The following WLS variants were observed in gnomAD, a reference collection of about 807,000 sequenced individuals.
WLS encodes protein wntless homolog.
WLS carries 23 observed loss-of-function variants against 62.8 expected under a neutral mutation model. The observed-to-expected ratio is 0.37, with a 90% CI of 0.26 to 0.52. The LOEUF (loss-of-function observed/expected upper bound fraction) is 0.52, where lower values mean the gene tolerates loss of function less well. Among genes scored for constraint, WLS ranks in the 20% least tolerant of loss-of-function variants. The pLI is 0.92. For missense variants in WLS, 615 were observed against 697.3 expected, an observed-to-expected ratio of 0.88 and a Z score of 1.33; for synonymous variants, 246 against 244.1, an observed-to-expected ratio of 1.01 and a Z score of -0.07.
chr1:68,157,837 T>C (rs1263649227), intron 3 of WLS, among the ~76,000 whole-genome samples: 2 of 152,194 alleles, frequency 1.3e-5, no homozygotes, highest in African/African-American at 4.8e-5. Flanking sequence ...TGTGTATAAA[T>C]GAGAAATGAC....
intron 2 of WLS, among the ~76,000 whole-genome samples, chr1:68,170,705 A>G (rs193239462): frequency 7.6e-6 from 1 of 132,054 alleles, no homozygotes; most frequent in African/African-American, 2.8e-5. Context: ...CAAACTCAAT[A>G]TGGCACCCCC....
At chr1:68,216,523 T>A (rs1557526006) in intron 1 of WLS, among the ~76,000 whole-genome samples, 1 of 152,364 alleles carries the variant, frequency 6.6e-6, no homozygotes, top group Non-Finnish European at 1.5e-5. Flanking sequence ...ATTACCCTCA[T>A]GTCCTTTTCC....
At position 68,155,225 on chromosome 1, in the gene WLS, A is replaced by G; in HGVS notation, c.540T>C (p.Asp180=). 1.2e-6 allele frequency: 2 copies of G among 1,613,832 alleles called. No individual in the cohort carries two copies. Among genetic ancestry groups the G allele is most frequent in the Non-Finnish European group, 1.7e-6 (2 of 1,179,846 alleles). ...PEHEGRYYEC[D]VLPFMEIGSV... is the part of the protein sequence containing the mutation. ...ACCCAATTTCCATGAAAGGAAGGAC[A>G]TCACATTCATAGTAACGGCCCTCAT... Residue 180 remains aspartate, a synonymous_variant, in exon 4 of 12, where the codon GAT becomes GAC. Coordinates refer to ENST00000262348, the MANE Select transcript of WLS (RefSeq NM_024911.7).
At chr1:68,103,555 G>A (rs1646105802) in intron 11 of WLS, among the ~76,000 whole-genome samples, 1 of 152,192 alleles carries the variant, frequency 6.6e-6, no homozygotes, top group African/African-American at 2.4e-5. Flanking sequence ...TGTACTGGTG[G>A]TGATGGAGAG....
chr1:68,174,908 TGTGA>T (rs1179629970), intron 2 of WLS, among the ~76,000 whole-genome samples: 8 of 152,278 alleles, frequency 5.3e-5, no homozygotes, highest in Middle Eastern at 3.4e-3. Flanking sequence ...CTCTTCTGAG[TGTGA>T]GTAAGATAAG....
intron 8 of WLS, among the ~76,000 whole-genome samples, chr1:68,147,332 C>A (rs1263960142): frequency 1.3e-5 from 2 of 152,144 alleles, no homozygotes; most frequent in Non-Finnish European, 2.9e-5. Context: ...GCTTCTCTCT[C>A]ATCTTTGAGG....
At chr1:68,124,685 G>A (rs1646403540), downstream of WLS, among the ~76,000 whole-genome samples, 1 of 152,150 alleles carries the variant, frequency 6.6e-6, no homozygotes, top group South Asian at 2.1e-4. Context: ...CACCAGGTTA[G>A]GAAAAGGCCT....
At chr1:68,098,865 A>G in intron 11 of WLS, 1 of 1,424,854 alleles carries the variant, frequency 7.0e-7, no homozygotes, top group Non-Finnish European at 9.3e-7. Flanking sequence ...ACCTACATAA[A>G]TTTCTAGTGG....
intron 11 of WLS, among the ~76,000 whole-genome samples, chr1:68,105,286 G>T (rs1455082075): frequency 3.3e-5 from 5 of 152,158 alleles, no homozygotes; most frequent in African/African-American, 1.2e-4. Flanking sequence ...TCTAACCTGA[G>T]TGCTTATACT....
intron 11 of WLS, among the ~76,000 whole-genome samples, chr1:68,119,299 A>G (rs1646335713): frequency 6.6e-6 from 1 of 152,250 alleles, no homozygotes; most frequent in Non-Finnish European, 1.5e-5. Context: ...CTTGTGTAAG[A>G]ACATACTGAC....
chr1:68,125,137 G>T (rs992070305), downstream of WLS, among the ~76,000 whole-genome samples: 9 of 152,194 alleles, frequency 5.9e-5, no homozygotes, highest in Non-Finnish European at 1.3e-4. Context: ...TCTAAAGCAC[G>T]TGATGTTCTC....
At chr1:68,196,001 C>A (rs951192764) in intron 1 of WLS, among the ~76,000 whole-genome samples, 2 of 151,914 alleles carry the variant, frequency 1.3e-5, no homozygotes, top group African/African-American at 4.8e-5. Context: ...CTTTTCCATG[C>A]ATTAAACTGT....
rs1377523062 is a variant in WLS, at chr1:68,145,921, C to G, written c.1226G>C (p.Gly409Ala). The G allele has an allele frequency of 6.2e-7, 1 of 1,614,032 alleles. No individual in the cohort carries two copies. The highest frequency in any genetic ancestry group is 2.2e-5 in the East Asian group (1 of 44,884). ...MVFQVFRNISGKQSSLPAMSK... is the reference protein window; with the variant it reads ...MVFQVFRNISAKQSSLPAMSK... ...CATAGCTGGCAGGCTGGACTGCTTCCCACTGATGTTCCGAAACACCTGAAA... is the reference window on the plus strand; with the variant it reads ...CATAGCTGGCAGGCTGGACTGCTTCGCACTGATGTTCCGAAACACCTGAAA... The change falls in exon 9 of 12, where the codon GGG becomes GCG. Residue 409 changes from glycine to alanine, a missense_variant. Physicochemically the swap from Gly to Ala is moderately conservative, Grantham distance 60 (BLOSUM62 0). Transcript: ENST00000262348.
rs888724800 is a variant in WLS at position 68,115,932 on chromosome 1, G to A, written c.1511-17179C>T. On this transcript the variant is annotated intron_variant, in intron 11 of 11. Transcript: ENST00000354777. ...CTCTCCCTCCTGGCAGCAGTCGTTG[G>A]CATTTTTGTATGTCTCACCCTGGAG... Among the ~76,000 whole-genome samples the A allele has an allele frequency of 3.3e-5, 5 of 152,232 alleles. No homozygotes were observed. In the East Asian group the frequency reaches 9.7e-4, roughly 29 times the overall value.
At chr1:68,203,116 A>G (rs1649113838) in intron 1 of WLS, 1 of 152,256 alleles carries the variant, frequency 6.6e-6, no homozygotes, top group Admixed American at 6.5e-5. Context: ...ATTATTGTTA[A>G]TAATAAACAT....
intron 3 of WLS, among the ~76,000 whole-genome samples, chr1:68,158,625 G>A (rs568841581): frequency 2.6e-5 from 4 of 152,038 alleles, no homozygotes; most frequent in East Asian, 3.9e-4. Flanking sequence ...AAATTATAAT[G>A]TTTTAAGAAA....
chr1:68,122,573 A>G (rs1486446019), downstream of WLS, among the ~76,000 whole-genome samples: 2 of 152,208 alleles, frequency 1.3e-5, no homozygotes, highest in Non-Finnish European at 2.9e-5. Flanking sequence ...TTATTTTTTA[A>G]AAACAGACAT....
At chr1:68,148,332 T>A in intron 7 of WLS, 133 bp from the exon 8 acceptor site, 1 of 941,266 alleles carries the variant, frequency 1.1e-6, no homozygotes, top group Non-Finnish European at 1.6e-6. Context: ...ATTACAGAAA[T>A]CCTAAAGAGA....
chr1:68,225,840 C>T (rs893842676), intron 1 of WLS, among the ~76,000 whole-genome samples: 1 of 152,202 alleles, frequency 6.6e-6, no homozygotes, highest in Non-Finnish European at 1.5e-5. Flanking sequence ...TCCGGACTTA[C>T]TGTATAACTA....
Sources: gnomAD v4.1 joint callset for allele counts (sites outside exome capture counted in the v4.1 genomes callset) on GRCh38, gnomAD v4.1.1 for gene constraint, MANE v1.5 for transcripts, NCBI Gene and HGNC (gene_info 2026-07-23, HGNC 2026-07-21) for gene names.